The following NAV3 variants were observed in gnomAD, a reference collection of about 807,000 sequenced individuals.
The protein encoded by NAV3 is pore membrane and/or filament interacting like protein 1.
NAV3 carries 87 observed loss-of-function variants against 244.7 expected under a neutral mutation model. The observed-to-expected ratio is 0.36, with a 90% CI of 0.30 to 0.42. NAV3 has a LOEUF of 0.42. Ranked by LOEUF, NAV3 falls within the 20% of genes least tolerant of loss-of-function variation. The pLI is 1.00. For synonymous variants in NAV3, 1,126 were observed against 1,042.2 expected, an observed-to-expected ratio of 1.08 and a Z score of -1.55; for missense variants, 2,663 against 2,893.3, an observed-to-expected ratio of 0.92 and a Z score of 1.83.
intron 1 of NAV3, among the ~76,000 whole-genome samples, chr12:77,932,240 C>A (rs1213227259): frequency 6.6e-6 from 1 of 151,994 alleles, no homozygotes; most frequent in African/African-American, 2.4e-5. Context: ...TCCTGATAAC[C>A]CTAAGTCCGG....
chr12:78,163,723 G>T (rs769137028), intron 23 of NAV3, among the ~76,000 whole-genome samples: 42 of 152,076 alleles, frequency 2.8e-4, no homozygotes, highest in Non-Finnish European at 5.0e-4. Flanking sequence ...AATTGTTAAT[G>T]TGCTTGCTGG....
chr12:77,634,059 C>G (rs930894679), intron 2 of NAV3, among the ~76,000 whole-genome samples: 12 of 151,722 alleles, frequency 7.9e-5, no homozygotes, highest in African/African-American at 2.9e-4. Context: ...TGGAATATTT[C>G]TATTTCCATT....
intron 1 of NAV3, among the ~76,000 whole-genome samples, chr12:77,875,786 C>T (rs1369268349): frequency 6.6e-6 from 1 of 151,924 alleles, no homozygotes; most frequent in Non-Finnish European, 1.5e-5. Context: ...TTTATGTCTC[C>T]ACTCGTGTTC....
intron 2 of NAV3, among the ~76,000 whole-genome samples, chr12:77,670,100 C>T (rs1873900075): frequency 1.3e-5 from 2 of 152,006 alleles, no homozygotes; most frequent in East Asian, 1.9e-4. Flanking sequence ...CAATGGGAAA[C>T]AAAACGGGAG....
At chr12:77,920,493 A>G (rs1279258726) in intron 1 of NAV3, among the ~76,000 whole-genome samples, 4 of 152,172 alleles carry the variant, frequency 2.6e-5, no homozygotes, top group African/African-American at 9.6e-5. Flanking sequence ...CTTTTTACTT[A>G]TAAATTTTAT....
intron 2 of NAV3, among the ~76,000 whole-genome samples, chr12:77,574,652 T>C (rs1868993996): frequency 6.6e-6 from 1 of 152,172 alleles, no homozygotes; most frequent in South Asian, 2.1e-4. Flanking sequence ...TGGCATATTG[T>C]ACACATTCAA....
chr12:77,778,928 G>A (rs930595072), intron 2 of NAV3, among the ~76,000 whole-genome samples: 8 of 152,206 alleles, frequency 5.3e-5, no homozygotes, highest in African/African-American at 1.9e-4. Context: ...AAATGACTAA[G>A]TTGTGGTATG....
At chr12:77,939,484 C>T (rs1889655463) in intron 1 of NAV3, among the ~76,000 whole-genome samples, 1 of 151,934 alleles carries the variant, frequency 6.6e-6, no homozygotes, top group African/African-American at 2.4e-5. Context: ...GTAATAAATC[C>T]ACTAATATAT....
intron 9 of NAV3, among the ~76,000 whole-genome samples, chr12:78,028,304 A>C (rs1365402134): frequency 1.3e-5 from 2 of 152,224 alleles, no homozygotes; most frequent in African/African-American, 4.8e-5. Flanking sequence ...AAGGAAACTA[A>C]ATATTCAATA....
At chr12:78,150,551 G>A (rs1021859639) in intron 22 of NAV3, among the ~76,000 whole-genome samples, 5 of 147,280 alleles carry the variant, frequency 3.4e-5, no homozygotes, top group African/African-American at 1.3e-4. Flanking sequence ...ATGATTATTG[G>A]TTTCTTGTGT....
At chr12:78,188,194 A>C in intron 31 of NAV3, 54 bp from the exon 32 acceptor site, 1 of 1,287,426 alleles carries the variant, frequency 7.8e-7, no homozygotes, top group Non-Finnish European at 1.1e-6. Context: ...AAAATGTAGT[A>C]ATAAAAAAGA....
chr12:77,988,233 C>G (rs753216280), intron 5 of NAV3, among the ~76,000 whole-genome samples: 1 of 152,198 alleles, frequency 6.6e-6, no homozygotes, highest in Non-Finnish European at 1.5e-5. Context: ...ATATTTCTAA[C>G]AAGCCCCAGG....
chr12:78,210,424 A>T lies in NAV3; in HGVS notation c.7065A>T (p.Glu2355Asp). The T allele has an allele frequency of 6.2e-7, 1 of 1,613,734 alleles. No individual in the cohort carries two copies. Among genetic ancestry groups the T allele is most frequent in the Non-Finnish European group, 8.5e-7 (1 of 1,179,850 alleles). The part of the protein sequence containing the change: ...PLMNMLMKLQ[E>D]AANYSSTQSC... ...TGAATATGCTAATGAAACTCCAAGA[A>T]GCAGCCAATTACTCGAGCACACAAA... Residue 2355 changes from glutamate to aspartate, a missense_variant, in exon 40 of 40, where the codon GAA becomes GAT. Around this residue, in one of 6 missense-constraint regions of NAV3, gnomAD observed 543 missense variants for 672.4 expected, o/e 0.81. Transcript: ENST00000397909.
intron 2 of NAV3, among the ~76,000 whole-genome samples, chr12:77,576,684 C>A (rs1239880783): frequency 6.6e-6 from 1 of 151,802 alleles, no homozygotes; most frequent in Non-Finnish European, 1.5e-5. Flanking sequence ...CAGGTGTAGA[C>A]TACTTAAGAT....
chr12:77,981,914 G>A (rs2136272633), intron 5 of NAV3, among the ~76,000 whole-genome samples: 1 of 152,140 alleles, frequency 6.6e-6, no homozygotes, highest in African/African-American at 2.4e-5. Context: ...TCTGAATAGG[G>A]ATTTCTTCTC....
chr12:78,107,519 T>A (rs1333107876), intron 12 of NAV3, among the ~76,000 whole-genome samples: 1 of 151,992 alleles, frequency 6.6e-6, no homozygotes, highest in African/African-American at 2.4e-5. Flanking sequence ...TGATAACCTA[T>A]GAAGTAAACC....
Position 77,771,489 on chromosome 12 carries a change from CA to C in NAV3, c.73-168828del, listed in dbSNP as rs574557085. On this transcript the variant is annotated intron_variant, in intron 2 of 8. Transcript: ENST00000550042. ...TGCATGTTTATTGCAGCACTATTCACAATAGCAAAGACTTGGAACCAACCCA... is the reference window on the plus strand; with the variant it reads ...TGCATGTTTATTGCAGCACTATTCACATAGCAAAGACTTGGAACCAACCCA... 4.3e-4 allele frequency among the ~76,000 whole-genome samples: 65 copies of C among 152,270 alleles called. 1 individual carries two copies. The South Asian group carries it at 9.1e-3, about 21-fold the overall frequency.
intron 1 of NAV3, among the ~76,000 whole-genome samples, chr12:77,926,489 T>C (rs1009236548): frequency 1.3e-5 from 2 of 152,144 alleles, no homozygotes; most frequent in African/African-American, 4.8e-5. Context: ...CATAGATAGA[T>C]ACATAGATAG....
intron 2 of NAV3, among the ~76,000 whole-genome samples, chr12:77,789,004 T>C (rs2135937495): frequency 6.6e-6 from 1 of 152,312 alleles, no homozygotes; most frequent in African/African-American, 2.4e-5. Flanking sequence ...TCATAGTAAT[T>C]CATTAACAAA....
Sources: gnomAD v4.1 joint callset for allele counts (sites outside exome capture counted in the v4.1 genomes callset) on GRCh38, gnomAD v4.1.1 for gene constraint, gnomAD v4.1.1 regional missense constraint, MANE v1.5 for transcripts, NCBI Gene and HGNC (gene_info 2026-07-23, HGNC 2026-07-21) for gene names.